Variants in TSPAN1 observed in about 807,000 individuals in gnomAD.
TSPAN1 encodes tetraspanin 1.
A neutral mutation model predicts 26.9 loss-of-function variants in TSPAN1; 23 were observed. That is an observed-to-expected ratio of 0.85 (90% CI 0.62 to 1.21). The LOEUF is 1.21. Among genes scored for constraint, TSPAN1 ranks in the 50% most tolerant of loss-of-function variants. TSPAN1 has a pLI of 0.00. For synonymous variants in TSPAN1, 115 were observed against 114.8 expected (o/e 1.00, Z -0.01); for missense variants, 283 against 298.4 (o/e 0.95, Z 0.38).
intron 3 of TSPAN1, chr1:46,183,972 T>C (rs1657367779): frequency 1.7e-6 from 1 of 598,046 alleles, no homozygotes; most frequent in East Asian, 2.8e-5. Context: ...CCTGATCTCC[T>C]TTATATCTGC....
chr1:46,189,589 C>G, downstream of TSPAN1: 2 of 1,600,672 alleles, frequency 1.2e-6, no homozygotes, highest in African/African-American at 1.3e-5. Context: ...GGGATGGAGA[C>G]AGAGACATGG....
the TSPAN1 span, chr1:46,194,143 A>G: frequency 4.5e-6 from 7 of 1,564,526 alleles, no homozygotes; most frequent in Non-Finnish European, 6.1e-6. Context: ...TGTCTTTCAG[A>G]GCGCAGTGTA....
intron 1 of TSPAN1, among the ~76,000 whole-genome samples, chr1:46,179,475 G>A (rs1395267127): frequency 2.6e-5 from 4 of 152,124 alleles, no homozygotes; most frequent in African/African-American, 9.7e-5. Context: ...CTGTTACACA[G>A]AAGACCAGGA....
chr1:46,184,177 C>T lies in TSPAN1; in HGVS notation c.58-14C>T, dbSNP rs537704696. ...CAGCACTGTTTAAGGCCTGCCTGACCTCTCTCTCCCCAGCTGTGTGGTGCA... is the reference window on the plus strand; with the variant it reads ...CAGCACTGTTTAAGGCCTGCCTGACTTCTCTCTCCCCAGCTGTGTGGTGCA... On this transcript the variant is annotated splice_polypyrimidine_tract_variant and intron_variant, in intron 3 of 8. Coordinates refer to ENST00000372003, the MANE Select transcript of TSPAN1 (RefSeq NM_005727.4). 12 of 1,613,908 alleles carry T rather than the reference C, an allele frequency of 7.4e-6. No individual in the cohort carries two copies. The South Asian group carries it at 1.1e-4, about 15-fold the overall frequency.
At chr1:46,186,539 G>A (rs1354799825), downstream of TSPAN1, among the ~76,000 whole-genome samples, 1 of 145,952 alleles carries the variant, frequency 6.9e-6, no homozygotes, top group African/African-American at 2.6e-5. Flanking sequence ...TGCCCAGGCT[G>A]GAGTGCAATG....
chr1:46,189,814 G>T (rs190156535), downstream of TSPAN1: 84 of 1,612,468 alleles, frequency 5.2e-5, no homozygotes, highest in African/African-American at 1.0e-3. Context: ...ATGTGTGTGA[G>T]GGGGAGGGGT....
At chr1:46,176,684 T>C (rs1236164903) in intron 1 of TSPAN1, among the ~76,000 whole-genome samples, 1 of 152,262 alleles carries the variant, frequency 6.6e-6, no homozygotes, top group African/African-American at 2.4e-5. Context: ...GTTTGGCCCC[T>C]TGGGAAAAGA....
At chr1:46,193,726 T>C in the TSPAN1 span, 6 of 1,603,850 alleles carry the variant, frequency 3.7e-6, no homozygotes, top group South Asian at 1.1e-5. Flanking sequence ...AGAGTCCCTA[T>C]GCTTACCCAC....
Position 46,182,018 on chromosome 1 carries a change from C to T in TSPAN1, c.57+854C>T, listed in dbSNP as rs111910197. ...CGGACAAAGTGGACAAAGGACAAAG[C>T]TCTAGGATGATGGCTGAGGGGTAGA... On this transcript the variant is annotated intron_variant, in intron 3 of 8. Coordinates refer to ENST00000372003, the MANE Select transcript of TSPAN1 (RefSeq NM_005727.4). 3.2e-4 allele frequency among the ~76,000 whole-genome samples: 48 copies of T among 152,020 alleles called. 1 individual carries two copies. The highest frequency in any genetic ancestry group is 1.1e-3 in the African/African-American group (45 of 41,484).
At chr1:46,175,565 T>G in intron 1 of TSPAN1, 156 bp downstream of exon 1, 1 of 398,716 alleles carries the variant, frequency 2.5e-6, no homozygotes, top group Non-Finnish European at 4.4e-6. Context: ...ACCAAGCTTC[T>G]GGGCTAGCTT....
At chr1:46,176,465 G>C in intron 1 of TSPAN1, 1 of 1,535,684 alleles carries the variant, frequency 6.5e-7, no homozygotes, top group Non-Finnish European at 8.7e-7. Context: ...AGCCGAGATG[G>C]CCCCATGGGC....
intron 1 of TSPAN1, chr1:46,175,929 G>A (rs1469352349): frequency 6.3e-6 from 3 of 473,796 alleles, no homozygotes; most frequent in East Asian, 3.8e-5. Context: ...CTGGAGTGCA[G>A]TGGCGCGATC....
chr1:46,189,020 A>G (rs756213466), downstream of TSPAN1: 1 of 1,581,946 alleles, frequency 6.3e-7, no homozygotes, highest in South Asian at 1.1e-5. Flanking sequence ...ATGAGCTGCT[A>G]GGGATCGTAA....
At chr1:46,194,707 T>C in the TSPAN1 span, 5 of 1,614,044 alleles carry the variant, frequency 3.1e-6, no homozygotes, top group Admixed American at 5.0e-5. Flanking sequence ...TTGGGGGCTT[T>C]TTCCCATCTC....
At chr1:46,179,989 TTGTGTG>T (rs918590782) in intron 1 of TSPAN1, among the ~76,000 whole-genome samples, 2 of 135,492 alleles carry the variant, frequency 1.5e-5, no homozygotes, top group Non-Finnish European at 3.1e-5. Context: ...GTGTGTGTGT[TTGTGTG>T]TGTGTGTGAG....
chr1:46,190,367 A>G, downstream of TSPAN1: 6 of 1,408,842 alleles, frequency 4.3e-6, no homozygotes, highest in Non-Finnish European at 6.0e-6. Flanking sequence ...GTTTGAGATG[A>G]GGGCCCTGAT....
At chr1:46,188,914 C>T, downstream of TSPAN1, 1 of 1,612,834 alleles carries the variant, frequency 6.2e-7, no homozygotes, top group Non-Finnish European at 8.5e-7. Flanking sequence ...AATCCAGGCC[C>T]TCCAGGTTCG....
chr1:46,181,281 C>G, intron 3 of TSPAN1, 117 bp downstream of exon 3: 1 of 1,016,304 alleles, frequency 9.8e-7, no homozygotes, highest in Non-Finnish European at 1.5e-6. Context: ...CTGCATGTGT[C>G]CCCTTATGAG....
At chr1:46,195,940 C>A in the TSPAN1 span, 1 of 1,614,156 alleles carries the variant, frequency 6.2e-7, no homozygotes, top group Non-Finnish European at 8.5e-7. Context: ...AGGGGATATA[C>A]TTCTGGTGAG....
Sources: gnomAD v4.1 joint callset for allele counts (sites outside exome capture counted in the v4.1 genomes callset) on GRCh38, gnomAD v4.1.1 for gene constraint, MANE v1.5 for transcripts, NCBI Gene and HGNC (gene_info 2026-07-23, HGNC 2026-07-21) for gene names.